Variants in FBN2 observed in about 807,000 individuals in gnomAD.
The protein encoded by FBN2 is fibrillin 2, also known as fibrillin-2.
In FBN2, 105 loss-of-function variants were observed where a neutral mutation model predicts 355.6. The ratio of observed to expected loss-of-function variants is 0.30; its 90% CI spans 0.25 to 0.35. The LOEUF (loss-of-function observed/expected upper bound fraction) is 0.35, where lower values mean the gene tolerates loss of function less well. Ranked by LOEUF, FBN2 falls within the 10% of genes least tolerant of loss-of-function variation. The probability of loss-of-function intolerance (pLI) is 1.00; values close to 1 mark genes in which losing one functional copy is unlikely to be tolerated. For synonymous variants in FBN2, 1,350 were observed against 1,301.2 expected, an observed-to-expected ratio of 1.04 and a Z score of -0.81; for missense variants, 3,280 against 3,758.7, an observed-to-expected ratio of 0.87 and a Z score of 3.33.
At chr5:128,296,168 T>C (rs1749503283) in intron 48 of FBN2, among the ~76,000 whole-genome samples, 1 of 152,000 alleles carries the variant, frequency 6.6e-6, no homozygotes, top group Non-Finnish European at 1.5e-5. Context: ...GAACCAGCCT[T>C]GCATCCCAGG....
chr5:128,413,915 C>T (rs950730770), intron 7 of FBN2, among the ~76,000 whole-genome samples: 1 of 152,104 alleles, frequency 6.6e-6, no homozygotes, highest in East Asian at 1.9e-4. Flanking sequence ...TGAACTTCCA[C>T]TTATTCGTAT....
chr5:128,344,191 C>G (rs1751104279), intron 25 of FBN2, among the ~76,000 whole-genome samples, 194 bp downstream of exon 25: 1 of 152,184 alleles, frequency 6.6e-6, no homozygotes, highest in African/African-American at 2.4e-5. Context: ...TTTGAAGTTA[C>G]AGTGAGCCAT....
intron 19 of FBN2, among the ~76,000 whole-genome samples, chr5:128,360,809 C>CA (rs528320538): frequency 0.016 from 1,827 of 116,066 alleles, 8 homozygotes; most frequent in Non-Finnish European, 0.017. Context: ...TGTGGCATCA[C>CA]AAAAAAAAAA....
chr5:128,340,735 C>A (rs1308576573), intron 25 of FBN2, among the ~76,000 whole-genome samples: 1 of 152,094 alleles, frequency 6.6e-6, no homozygotes, highest in East Asian at 1.9e-4. Flanking sequence ...ATAGAATCCA[C>A]CTCATAGAGT....
At chr5:128,365,227 C>G (rs955474223) in intron 17 of FBN2, 7 of 161,062 alleles carry the variant, frequency 4.3e-5, no homozygotes, top group African/African-American at 1.7e-4. Context: ...CTGGAGAGGA[C>G]ACTTTAAACA....
intron 2 of FBN2, among the ~76,000 whole-genome samples, chr5:128,533,586 C>T (rs933442325): frequency 5.9e-5 from 9 of 152,044 alleles, no homozygotes; most frequent in African/African-American, 2.2e-4. Flanking sequence ...TACATAGTAC[C>T]CAAAAGGTCT....
At chr5:128,402,304 T>C (rs1271015978) in intron 8 of FBN2, among the ~76,000 whole-genome samples, 1 of 152,200 alleles carries the variant, frequency 6.6e-6, no homozygotes, top group Non-Finnish European at 1.5e-5. Flanking sequence ...GCTTGCTATA[T>C]GTTTAACTGT....
intron 2 of FBN2, 94 bp downstream of exon 2, chr5:128,536,308 C>G (rs1365357569): frequency 4.3e-6 from 4 of 935,942 alleles, no homozygotes; most frequent in South Asian, 4.1e-5. Context: ...TGATTTTAAA[C>G]GCAACTATGC....
At chr5:128,480,764 G>A (rs909606713) in intron 5 of FBN2, among the ~76,000 whole-genome samples, 1 of 152,126 alleles carries the variant, frequency 6.6e-6, no homozygotes, top group East Asian at 1.9e-4. Context: ...GCACCGGTTA[G>A]CTGTGATTAT....
intron 7 of FBN2, among the ~76,000 whole-genome samples, chr5:128,409,902 G>T (rs1057222924): frequency 6.6e-6 from 1 of 151,990 alleles, no homozygotes; most frequent in African/African-American, 2.4e-5. Context: ...AAAGAAAAAG[G>T]TTGCCAATGC....
intron 26 of FBN2, among the ~76,000 whole-genome samples, chr5:128,338,443 A>G (rs1040701388): frequency 2.6e-5 from 4 of 152,172 alleles, no homozygotes; most frequent in Non-Finnish European, 5.9e-5. Context: ...GGTGTCTGTA[A>G]CGCTAATCAG....
chr5:128,393,997 T>A (rs1424803977), intron 9 of FBN2, among the ~76,000 whole-genome samples: 17 of 152,100 alleles, frequency 1.1e-4, no homozygotes, highest in Non-Finnish European at 2.2e-4. Flanking sequence ...GGAAAAAAAA[T>A]TATTAATTAT....
At chr5:128,444,369 G>A (rs2127053113) in intron 7 of FBN2, among the ~76,000 whole-genome samples, 1 of 152,244 alleles carries the variant, frequency 6.6e-6, no homozygotes, top group East Asian at 1.9e-4. Context: ...ACCGCGCCCG[G>A]CCCACTTGTT....
At chr5:128,472,630 A>G (rs1754896025) in intron 5 of FBN2, among the ~76,000 whole-genome samples, 1 of 152,054 alleles carries the variant, frequency 6.6e-6, no homozygotes, top group Non-Finnish European at 1.5e-5. Flanking sequence ...CATCTCTACT[A>G]AAAATACGAA....
rs752169298 is a variant in FBN2 at position 128,287,438 on chromosome 5, A to C, written c.6758-8T>G. 2 of 1,613,728 alleles carry C rather than the reference A, an allele frequency of 1.2e-6. No homozygotes were observed. The highest frequency in any genetic ancestry group is 1.7e-6 in the Non-Finnish European group (2 of 1,179,722). Reference sequence around the variant, plus strand: ...GGGCACATTCGTTGATATCTGACCAAAGGAATGGACAGGAATGTGCTCAGC... The same window carrying C: ...GGGCACATTCGTTGATATCTGACCACAGGAATGGACAGGAATGTGCTCAGC... On this transcript the variant is annotated splice_region_variant and splice_polypyrimidine_tract_variant and intron_variant, in intron 53 of 64. Coordinates refer to ENST00000262464, the MANE Select transcript of FBN2 (RefSeq NM_001999.4).
chr5:128,319,682 A>T (rs1485910687), intron 34 of FBN2, among the ~76,000 whole-genome samples: 1 of 152,176 alleles, frequency 6.6e-6, no homozygotes, highest in Non-Finnish European at 1.5e-5. Context: ...AGTAAATTTC[A>T]TTAAAATATC....
chr5:128,289,225 C>T lies in FBN2; in HGVS notation c.6539G>A (p.Gly2180Asp), dbSNP rs537628586. 6.8e-6 allele frequency: 11 copies of T among 1,613,782 alleles called. No individual in the cohort carries two copies. The African/African-American group carries it at 9.3e-5, about 14-fold the overall frequency. Residue 2180 changes from glycine to aspartate, a missense_variant, in exon 52 of 65, where the codon GGC (glycine) becomes GAC (aspartate). Around this residue, in one of 6 missense-constraint regions of FBN2, gnomAD observed 2,284 missense variants for 2,749.5 expected, o/e 0.83. Transcript: ENST00000262464. ...EDVNECLESP[G>D]ICSNGQCINT... ...GATACATTGACCATTTGAACAAATG[C>T]CTGGGCTCTCAAGACACTCATTGAC...
At chr5:128,370,675 G>A (rs1036476978) in intron 15 of FBN2, among the ~76,000 whole-genome samples, 1 of 152,066 alleles carries the variant, frequency 6.6e-6, no homozygotes, top group Non-Finnish European at 1.5e-5. Flanking sequence ...TGATGATCTT[G>A]GAAGGCATCT....
At chr5:128,338,176 C>T (rs2126902336) in intron 26 of FBN2, 54 bp from the exon 27 acceptor site, 2 of 1,559,670 alleles carry the variant, frequency 1.3e-6, no homozygotes, top group East Asian at 4.5e-5. Context: ...AAAATATTCA[C>T]ACATACAGCG....
Sources: allele counts gnomAD v4.1 joint callset (sites outside exome capture counted in the v4.1 genomes callset), GRCh38; gene constraint gnomAD v4.1.1; regional missense constraint gnomAD v4.1.1; transcripts MANE v1.5; gene names NCBI Gene and HGNC (gene_info 2026-07-23, HGNC 2026-07-21).